Variants in OCA2 observed in about 807,000 individuals in gnomAD.
The protein encoded by OCA2 is OCA2 melanosomal transmembrane protein.
OCA2 carries 77 observed loss-of-function variants against 100.2 expected under a neutral mutation model. The observed-to-expected ratio is 0.77, with a 90% CI of 0.64 to 0.93. The LOEUF is 0.93. OCA2 is among the 40% of genes least tolerant of loss of function. OCA2 has a pLI of 0.00. For synonymous variants in OCA2, 432 were observed against 439.2 expected (o/e 0.98, Z 0.21); for missense variants, 1,062 against 1,089.1 (o/e 0.98, Z 0.35).
At chr15:27,924,718 T>C (rs998447879) in intron 19 of OCA2, among the ~76,000 whole-genome samples, 2 of 152,186 alleles carry the variant, frequency 1.3e-5, no homozygotes, top group African/African-American at 2.4e-5. Context: ...TACAATAAAA[T>C]GTAATTTAAC....
chr15:27,791,091 G>T (rs975309218), intron 23 of OCA2, among the ~76,000 whole-genome samples: 19 of 151,670 alleles, frequency 1.3e-4, no homozygotes, highest in African/African-American at 4.6e-4. Flanking sequence ...GCCTGGCCCT[G>T]ATTTTTTTTT....
intron 19 of OCA2, among the ~76,000 whole-genome samples, chr15:27,884,240 T>C (rs941381031): frequency 6.6e-6 from 1 of 152,140 alleles, no homozygotes; most frequent in Non-Finnish European, 1.5e-5. Context: ...TAACCAGACA[T>C]GGTGGCGCAA....
At chr15:27,915,885 C>T (rs2038647023) in intron 19 of OCA2, among the ~76,000 whole-genome samples, 1 of 152,136 alleles carries the variant, frequency 6.6e-6, no homozygotes, top group South Asian at 2.1e-4. Context: ...ACCACAAAGA[C>T]ACATGCATGC....
chr15:27,951,750 CAA>C (rs1567146335), intron 18 of OCA2, 32 bp downstream of exon 18: 1 of 1,425,376 alleles, frequency 7.0e-7, no homozygotes, highest in Non-Finnish European at 9.9e-7. Flanking sequence ...CAGAATGTGA[CAA>C]AGCCTATGAA....
intron 2 of OCA2, among the ~76,000 whole-genome samples, chr15:28,069,397 C>T (rs1321815826): frequency 0.05 from 441 of 8,840 alleles, 147 homozygotes; most frequent in African/African-American, 0.44. Context: ...CCTCCCCCTC[C>T]CCCTCCCCTT....
intron 2 of OCA2, among the ~76,000 whole-genome samples, chr15:28,037,183 A>G (rs568541521): frequency 6.6e-6 from 1 of 151,792 alleles, no homozygotes; most frequent in Non-Finnish European, 1.5e-5. Flanking sequence ...TGGGAGTGGG[A>G]CCAGCCTGGG....
intron 18 of OCA2, among the ~76,000 whole-genome samples, chr15:27,940,969 T>C (rs976079121): frequency 6.6e-6 from 1 of 152,216 alleles, no homozygotes. Context: ...AGTGAAAATG[T>C]TGACACAACC....
chr15:27,801,341 C>G (rs950545770), intron 23 of OCA2, among the ~76,000 whole-genome samples: 9 of 152,020 alleles, frequency 5.9e-5, no homozygotes, highest in African/African-American at 2.2e-4. Flanking sequence ...ATCACGAGGT[C>G]AAGAGATCAA....
chr15:27,748,400 C>A, the OCA2 span, among the ~76,000 whole-genome samples: 1 of 152,132 alleles, frequency 6.6e-6, no homozygotes, highest in Non-Finnish European at 1.5e-5. Context: ...TTCTCCACAT[C>A]CTCAAGCAGC....
At position 27,851,481 on chromosome 15, in the gene OCA2, G is replaced by A. The variant is rs368772032; in HGVS notation, c.2245-6C>T. The A allele has an allele frequency of 6.2e-7, 1 of 1,611,552 alleles. No homozygotes were observed. Among genetic ancestry groups the A allele is most frequent in the Non-Finnish European group, 8.5e-7 (1 of 1,178,734 alleles). ...AGGTTCAGGAGCACGGGAATCTGTG[G>A]AGGAAGAGGACATTGATGCCACGTC... On this transcript the variant is annotated splice_polypyrimidine_tract_variant and splice_region_variant and intron_variant, in intron 21 of 23. Transcript: ENST00000354638.
chr15:27,729,259 G>C, the OCA2 span, among the ~76,000 whole-genome samples: 1 of 140,420 alleles, frequency 7.1e-6, no homozygotes, highest in African/African-American at 2.6e-5. Flanking sequence ...ACTTTCTTCT[G>C]TTTCCTCATG....
In OCA2 at chr15:27,814,927, GAT is replaced by G. The variant is rs749235197; in HGVS notation, c.2432+30030_2432+30031del. Among the ~76,000 whole-genome samples, 369 of 150,396 alleles carry G rather than the reference GAT, an allele frequency of 2.5e-3. 2 individuals are homozygous for G. The highest frequency in any genetic ancestry group is 8.9e-3 in the South Asian group (42 of 4,694). ...AGATAGATAGATAGATAGATAGATA[GAT>G]AGATAGATAGATAGATACAGAGATA... is the stretch of plus-strand genomic sequence containing the variant. On this transcript the variant is annotated intron_variant, in intron 23 of 23. Transcript: ENST00000354638.
Position 27,957,624 on chromosome 15 carries a change from T to C in OCA2, c.1748A>G (p.Glu583Gly). The C allele has an allele frequency of 5.6e-6, 9 of 1,612,944 alleles. No individual in the cohort carries two copies. The highest frequency in any genetic ancestry group is 6.8e-6 in the Non-Finnish European group (8 of 1,179,964). Residue 583 changes from glutamate (E) to glycine (G), a missense_variant, in exon 16 of 24, where the codon GAG (glutamate) becomes GGG (glycine). Coordinates refer to ENST00000354638, the MANE Select transcript of OCA2 (RefSeq NM_000275.3). The surrounding 1 kb of genome is among the most constrained non-coding windows in gnomAD (Gnocchi z 4.3). ...GTGCAGCCTCCGGGCGAGCAGGTGCTCCAGTGCCAGCACCTTCCCCAGCAG... is the reference window on the plus strand; with the variant it reads ...GTGCAGCCTCCGGGCGAGCAGGTGCCCCAGTGCCAGCACCTTCCCCAGCAG... ...RLLLGKVLALEHLLARRLHTF... is the reference protein window; with the variant it reads ...RLLLGKVLALGHLLARRLHTF...
At chr15:27,966,560 G>T in intron 15 of OCA2, 130 bp downstream of exon 15, 2 of 960,304 alleles carry the variant, frequency 2.1e-6, no homozygotes, top group Middle Eastern at 3.1e-4. Context: ...GAAGGTGGAC[G>T]TGGAGAGTCA....
intron 14 of OCA2, among the ~76,000 whole-genome samples, chr15:27,972,417 A>G (rs774459242): frequency 6.6e-6 from 1 of 152,188 alleles, no homozygotes; most frequent in Admixed American, 6.5e-5. Context: ...TCATTGAGAA[A>G]TCTCCACAGT....
At position 27,953,854 on chromosome 15, in the gene OCA2, C is replaced by T. The variant is rs2040121059; in HGVS notation, c.1842+1304G>A. Among the ~76,000 whole-genome samples the T allele has an allele frequency of 1.3e-5, 2 of 151,808 alleles. 1 individual carries two copies. The highest frequency in any genetic ancestry group is 4.1e-4 in the South Asian group (2 of 4,820). On this transcript the variant is annotated intron_variant, in intron 17 of 23. Coordinates refer to ENST00000354638, the MANE Select transcript of OCA2 (RefSeq NM_000275.3). ...TGATTTCTGAGATTTTTGGTGCTCC[C>T]ATAGCCTGAACAGTGTACACAGTAC...
chr15:27,931,903 C>G (rs564525756), intron 18 of OCA2, among the ~76,000 whole-genome samples: 111 of 152,292 alleles, frequency 7.3e-4, no homozygotes, highest in Non-Finnish European at 1.3e-3. Flanking sequence ...TCCTGTTCAT[C>G]TGGTCCTCAC....
intron 22 of OCA2, 146 bp from the exon 23 acceptor site, chr15:27,845,198 AAC>A (rs962762021): frequency 4.6e-5 from 33 of 711,654 alleles, no homozygotes; most frequent in South Asian, 6.5e-5. Flanking sequence ...AATATCTGGA[AAC>A]ACACACACAC....
chr15:27,807,363 C>T (rs1178846829), intron 23 of OCA2, among the ~76,000 whole-genome samples: 1 of 152,156 alleles, frequency 6.6e-6, no homozygotes, highest in Non-Finnish European at 1.5e-5. Flanking sequence ...CTCCTGATGC[C>T]GGTGCTGTGG....
Sources: gnomAD v4.1 joint callset for allele counts (sites outside exome capture counted in the v4.1 genomes callset) on GRCh38, gnomAD v4.1.1 for gene constraint, Gnocchi (gnomAD v3.1) non-coding constraint, MANE v1.5 for transcripts, NCBI Gene and HGNC (gene_info 2026-07-23, HGNC 2026-07-21) for gene names.